RASA3: variants seen among roughly 807,000 people sequenced by gnomAD.
The protein encoded by RASA3 is RAS p21 protein activator 3, also known as ras GTPase-activating protein 3.
Under a neutral mutation model 110.0 loss-of-function variants are expected in RASA3, and 73 were observed. The observed-to-expected ratio is 0.66, with a 90% CI of 0.55 to 0.81. RASA3 has a LOEUF of 0.81. RASA3 is among the 30% of genes least tolerant of loss of function. The probability of loss-of-function intolerance (pLI) is 0.00; values close to 1 mark genes in which losing one functional copy is unlikely to be tolerated. For synonymous variants in RASA3, 500 were observed against 451.4 expected (o/e 1.11, Z -1.37); for missense variants, 976 against 1,113.2 (o/e 0.88, Z 1.75).
chr13:113,980,001 C>G (rs1369807537), intron 23 of RASA3, among the ~76,000 whole-genome samples: 2 of 146,762 alleles, frequency 1.4e-5, no homozygotes. Flanking sequence ...GTGCACCCCT[C>G]CGTGTGTACA....
chr13:114,046,181 G>A (rs2079050158), intron 3 of RASA3, among the ~76,000 whole-genome samples: 1 of 152,258 alleles, frequency 6.6e-6, no homozygotes, highest in Admixed American at 6.5e-5. Flanking sequence ...TGAAGCTATA[G>A]TGATCAAGAC....
chr13:114,000,855 T>C lies in RASA3; in HGVS notation c.1820A>G (p.Asn607Ser). ...GCTTTTGTGGTAGGTAAATTCATGG[T>C]TGGTCAAGCGAAACCATCTCTTCTT... ...NFKKRWFRLT[N>S]HEFTYHKSKG... Residue 607 changes from asparagine (N) to serine (S), a missense_variant, in exon 19 of 24, where the codon AAC becomes AGC. Coordinates refer to ENST00000334062, the MANE Select transcript of RASA3 (RefSeq NM_007368.4). The C allele has an allele frequency of 6.2e-7, 1 of 1,613,440 alleles. No homozygotes were observed.
intron 9 of RASA3, among the ~76,000 whole-genome samples, chr13:114,019,294 C>T (rs1566487725): frequency 6.6e-6 from 1 of 152,350 alleles, no homozygotes; most frequent in South Asian, 2.1e-4. Context: ...CAAAGTGTGC[C>T]GTGGCTCCCG....
At chr13:113,984,391 G>A (rs2053003333) in intron 22 of RASA3, among the ~76,000 whole-genome samples, 3 of 84,206 alleles carry the variant, frequency 3.6e-5, no homozygotes, top group Admixed American at 1.3e-4. Context: ...TCACCCATCT[G>A]TCAATCCACC....
At chr13:114,122,103 G>C (rs1381857323) in intron 1 of RASA3, among the ~76,000 whole-genome samples, 3 of 152,214 alleles carry the variant, frequency 2.0e-5, no homozygotes, top group Admixed American at 6.5e-5. Context: ...GAGGATCTGG[G>C]AGGCCAGGCG....
rs761015442 is a variant in RASA3, at chr13:114,018,958, G to C, written c.786-39C>G. The C allele has an allele frequency of 1.9e-6, 3 of 1,610,684 alleles. No homozygotes were observed. The African/African-American group carries it at 4.0e-5, about 22-fold the overall frequency. ...ACACATGGAGGGGAGGCATGAGGCT[G>C]CATCTGCCAAGGAGCAGCTCTCAGG... On this transcript the variant is annotated intron_variant, in intron 9 of 23. Coordinates refer to ENST00000334062, the MANE Select transcript of RASA3 (RefSeq NM_007368.4).
intron 2 of RASA3, among the ~76,000 whole-genome samples, chr13:114,059,788 T>C (rs2079306451): frequency 6.6e-6 from 1 of 152,230 alleles, no homozygotes; most frequent in Admixed American, 6.5e-5. Context: ...CAGGCGTGGC[T>C]CACTGGACCC....
At chr13:113,981,910 C>T (rs780082742) in intron 22 of RASA3, 52 bp from the exon 23 acceptor site, 47 of 1,550,030 alleles carry the variant, frequency 3.0e-5, no homozygotes, top group Non-Finnish European at 3.7e-5. Context: ...CCACCGGCCC[C>T]GTCTCCACAC....
At chr13:114,089,133 T>A (rs1021263395) in intron 1 of RASA3, among the ~76,000 whole-genome samples, 2 of 151,540 alleles carry the variant, frequency 1.3e-5, no homozygotes, top group African/African-American at 4.9e-5. Context: ...CTTCGCTCCT[T>A]CCTGCTGCAC....
At chr13:114,053,864 G>A (rs1158754084) in intron 2 of RASA3, among the ~76,000 whole-genome samples, 3 of 152,232 alleles carry the variant, frequency 2.0e-5, no homozygotes, top group Admixed American at 6.5e-5. Context: ...TGTGGCTCAC[G>A]CCTGTAATCC....
At position 113,984,760 on chromosome 13, in the gene RASA3, CACCCATCCATCCATCCACCCATCACTG is replaced by C. The variant is rs1287755990; in HGVS notation, c.2246-2929_2246-2903del. Among the ~76,000 whole-genome samples the C allele has an allele frequency of 3.3e-5, 2 of 61,256 alleles. 1 individual carries two copies. The highest frequency in any genetic ancestry group is 1.0e-4 in the African/African-American group (2 of 19,276). The allele number at this position is 61,256 out of a possible 152,430, so 40.2% of individuals were successfully genotyped here. Reference sequence around the variant, plus strand: ...CCCATCTGTCCATCCACCCATTACTCACCCATCCATCCATCCACCCATCACTGACCCACCCATCCATCCATCCACCCA... The same window carrying C: ...CCCATCTGTCCATCCACCCATTACTCACCCACCCATCCATCCATCCACCCA... On this transcript the variant is annotated intron_variant, in intron 22 of 23. Coordinates refer to ENST00000334062, the MANE Select transcript of RASA3 (RefSeq NM_007368.4).
intron 1 of RASA3, among the ~76,000 whole-genome samples, chr13:114,105,306 C>T (rs2080118811): frequency 6.6e-6 from 1 of 152,090 alleles, no homozygotes; most frequent in African/African-American, 2.4e-5. Flanking sequence ...TGCCATGGAC[C>T]CTGCACTGAG....
intron 8 of RASA3, 25 bp downstream of exon 8, chr13:114,024,254 G>C: frequency 6.2e-7 from 1 of 1,609,736 alleles, no homozygotes; most frequent in Non-Finnish European, 8.5e-7. Context: ...TGCCAAGTTG[G>C]GGACGCGGAG....
At position 114,079,602 on chromosome 13, in the gene RASA3, C is replaced by G. The variant is rs761313186; in HGVS notation, c.56-5765G>C. Among the ~76,000 whole-genome samples, 30 of 152,228 alleles carry G rather than the reference C, an allele frequency of 2.0e-4. 1 individual carries two copies. The highest frequency in any genetic ancestry group is 2.4e-4 in the Non-Finnish European group (16 of 68,032). On this transcript the variant is annotated intron_variant, in intron 1 of 23. Transcript: ENST00000334062. ...CTTTGGGCTATTTAGAAGCCTGGAA[C>G]AGCGATCCCAGCCCTGGCCCCTGGG... is the stretch of plus-strand genomic sequence containing the variant.
At chr13:114,034,402 C>T (rs757819871) in intron 4 of RASA3, among the ~76,000 whole-genome samples, 4 of 152,184 alleles carry the variant, frequency 2.6e-5, no homozygotes, top group Non-Finnish European at 5.9e-5. Flanking sequence ...TCCCCAGCAG[C>T]AGGCTGTGTG....
intron 9 of RASA3, among the ~76,000 whole-genome samples, chr13:114,020,858 C>G (rs975129999): frequency 6.6e-6 from 1 of 152,208 alleles, no homozygotes; most frequent in East Asian, 1.9e-4. Context: ...CAGAACAAGA[C>G]CCGGAGCGCA....
At chr13:114,044,838 T>C (rs1162919017) in intron 3 of RASA3, among the ~76,000 whole-genome samples, 2 of 152,154 alleles carry the variant, frequency 1.3e-5, no homozygotes, top group African/African-American at 4.8e-5. Flanking sequence ...GCAATGTCAC[T>C]GTGTCTTCAC....
chr13:114,105,444 G>T (rs543868274), intron 1 of RASA3, among the ~76,000 whole-genome samples: 5 of 152,194 alleles, frequency 3.3e-5, no homozygotes, highest in African/African-American at 1.2e-4. Flanking sequence ...TGAGGAGCCC[G>T]GCTTTGGGAG....
At position 114,057,064 on chromosome 13, in the gene RASA3, C is replaced by T. The variant is rs1353403751; in HGVS notation, c.174-4909G>A. On this transcript the variant is annotated intron_variant, in intron 2 of 23. Coordinates refer to ENST00000334062, the MANE Select transcript of RASA3 (RefSeq NM_007368.4). This position sits in a 1 kb window ranked among gnomAD's most constrained non-coding sequence, Gnocchi z 5.0. ...GTCACACTCACAGTTCCATTTTACA[C>T]ATTTGCAGCTGAGAACCCTGGAGCC... is the stretch of plus-strand genomic sequence containing the variant. Among the ~76,000 whole-genome samples, 1 of 152,208 alleles carries T rather than the reference C, an allele frequency of 6.6e-6. No homozygotes were observed. The highest frequency in any genetic ancestry group is 6.5e-5 in the Admixed American group (1 of 15,282).
Sources: gnomAD v4.1 joint callset for allele counts (sites outside exome capture counted in the v4.1 genomes callset) on GRCh38, gnomAD v4.1.1 for gene constraint, Gnocchi (gnomAD v3.1) non-coding constraint, MANE v1.5 for transcripts, NCBI Gene and HGNC (gene_info 2026-07-23, HGNC 2026-07-21) for gene names.